The following AHCTF1 variants were observed in gnomAD, a reference collection of about 807,000 sequenced individuals.
The protein encoded by AHCTF1 is AT-hook containing transcription factor 1, also known as protein ELYS.
A neutral mutation model predicts 248.4 loss-of-function variants in AHCTF1; 24 were observed. That is an observed-to-expected ratio of 0.10 (90% CI 0.07 to 0.14). The LOEUF (loss-of-function observed/expected upper bound fraction) is 0.14. Ranked by LOEUF, AHCTF1 falls within the 10% of genes least tolerant of loss-of-function variation. The pLI, the probability that AHCTF1 is intolerant of heterozygous loss-of-function variation, is 1.00. For missense variants in AHCTF1, 2,206 were observed against 2,636.2 expected, an observed-to-expected ratio of 0.84 and a Z score of 3.57; for synonymous variants, 786 against 929.8, an observed-to-expected ratio of 0.85 and a Z score of 2.81.
chr1:246,848,617 A>G (rs1011880356), intron 33 of AHCTF1, among the ~76,000 whole-genome samples: 73 of 151,976 alleles, frequency 4.8e-4, no homozygotes, highest in African/African-American at 1.5e-3. Context: ...TGTAATCCCA[A>G]CACTTTGGGA....
intron 26 of AHCTF1, among the ~76,000 whole-genome samples, chr1:246,865,037 T>C (rs1195009689): frequency 6.6e-6 from 1 of 152,214 alleles, no homozygotes; most frequent in Non-Finnish European, 1.5e-5. Flanking sequence ...TCCCACTGAT[T>C]ACTTGTACTG....
At chr1:246,892,347 C>T (rs1664269366) in intron 14 of AHCTF1, among the ~76,000 whole-genome samples, 1 of 104,708 alleles carries the variant, frequency 9.6e-6, no homozygotes. Flanking sequence ...CAGCATCTTG[C>T]TCTGTCGCCC....
intron 30 of AHCTF1, 34 bp downstream of exon 30, chr1:246,857,657 C>T: frequency 1.3e-5 from 20 of 1,572,276 alleles, no homozygotes; most frequent in Non-Finnish European, 1.7e-5. Flanking sequence ...AAACTTCTTT[C>T]TAAAAGTATT....
At chr1:246,847,964 T>TA (rs918599709) in intron 33 of AHCTF1, among the ~76,000 whole-genome samples, 36 of 152,250 alleles carry the variant, frequency 2.4e-4, no homozygotes, top group South Asian at 8.3e-4. Context: ...AAAATGAACT[T>TA]AAAAAAAGTT....
rs564533724 is a variant in AHCTF1 at position 246,879,853 on chromosome 1, G to T, written c.2661-2551C>A. 4.2e-4 allele frequency among the ~76,000 whole-genome samples: 64 copies of T among 151,960 alleles called. No individual in the cohort carries two copies. In the East Asian group the frequency reaches 8.3e-3, roughly 20 times the overall value. On this transcript the variant is annotated intron_variant, in intron 21 of 35. Coordinates refer to ENST00000648844, the MANE Select transcript of AHCTF1 (RefSeq NM_001323342.2). ...CCCAACCCCGCCAAAAAAAAAGGGA[G>T]AACTAATTTAAAATAAAATGGTACA...
chr1:246,893,775 C>T (rs529781459), intron 14 of AHCTF1, among the ~76,000 whole-genome samples: 3 of 152,192 alleles, frequency 2.0e-5, no homozygotes, highest in Non-Finnish European at 2.9e-5. Flanking sequence ...CTAGCACATT[C>T]CGCTTACTCC....
chr1:246,886,429 T>A (rs1470833451), intron 20 of AHCTF1, among the ~76,000 whole-genome samples: 1 of 152,242 alleles, frequency 6.6e-6, no homozygotes, highest in Non-Finnish European at 1.5e-5. Context: ...ATTTACATTG[T>A]ATTAGATGTT....
chr1:246,925,829 G>A (rs1300749511), intron 1 of AHCTF1, among the ~76,000 whole-genome samples: 2 of 151,948 alleles, frequency 1.3e-5, no homozygotes, highest in Non-Finnish European at 2.9e-5. Context: ...CAGCACTTTG[G>A]GAGGCTGAGG....
chr1:246,930,297 C>A (rs936610632), intron 1 of AHCTF1, among the ~76,000 whole-genome samples: 5 of 151,704 alleles, frequency 3.3e-5, no homozygotes, highest in South Asian at 4.2e-4. Context: ...ACTAGAGGCG[C>A]CACCAATTCC....
chr1:246,920,158 A>G (rs1558280456), intron 1 of AHCTF1, among the ~76,000 whole-genome samples: 3 of 150,212 alleles, frequency 2.0e-5, no homozygotes, highest in Non-Finnish European at 4.4e-5. Context: ...AAAAAAAAAA[A>G]AAAAAAAAAA....
rs534814535 is a variant in AHCTF1 at position 246,918,267 on chromosome 1, C to T, written c.104G>A (p.Arg35His). 17 of 1,607,380 alleles carry T rather than the reference C, an allele frequency of 1.1e-5. No homozygotes were observed. The highest frequency in any genetic ancestry group is 5.3e-5 in the African/African-American group (4 of 74,876). ...EDEITLESVLRGKFAAGKNGL... is the reference protein window; with the variant it reads ...EDEITLESVLHGKFAAGKNGL... ...ATGTTTACCTGCAGCAAACTTTCCA[C>T]GAAGCACAGATTCTAATGTTATTTC... is the stretch of plus-strand genomic sequence containing the variant. Residue 35 changes from arginine to histidine, a missense_variant, in exon 2 of 36, where the codon CGT becomes CAT. Arg to His is a conservative substitution (Grantham distance 29). Transcript: ENST00000648844.
chr1:246,907,798 A>G, intron 4 of AHCTF1, 40 bp from the exon 5 acceptor site: 1 of 1,548,536 alleles, frequency 6.5e-7, no homozygotes, highest in Non-Finnish European at 8.8e-7. Flanking sequence ...AAAAAACTAG[A>G]AACAGCATTA....
intron 15 of AHCTF1, 65 bp downstream of exon 15, chr1:246,891,714 T>C: frequency 3.3e-6 from 5 of 1,533,482 alleles, no homozygotes; most frequent in Non-Finnish European, 4.5e-6. Flanking sequence ...GGAAATGTTA[T>C]TCGTTTCTCT....
chr1:246,853,504 A>G (rs1313371114), intron 31 of AHCTF1, among the ~76,000 whole-genome samples: 1 of 152,260 alleles, frequency 6.6e-6, no homozygotes. Flanking sequence ...ACATTTAAAA[A>G]TGATAACTGA....
At chr1:246,927,034 A>C (rs189375706) in intron 1 of AHCTF1, among the ~76,000 whole-genome samples, 91 of 151,550 alleles carry the variant, frequency 6.0e-4, no homozygotes, top group South Asian at 3.8e-3. Context: ...CAAAATTAGC[A>C]GGGCGTGGTG....
chr1:246,849,547 C>G lies in AHCTF1; in HGVS notation c.6391+68G>C, dbSNP rs977647408. ...ATTCCCTATAAAACCATTTTTAGGACAAATAACCAAATTTTAAGCTGAAGA... is the reference window on the plus strand; with the variant it reads ...ATTCCCTATAAAACCATTTTTAGGAGAAATAACCAAATTTTAAGCTGAAGA... On this transcript the variant is annotated intron_variant, in intron 33 of 35. Transcript: ENST00000648844. 3.3e-6 allele frequency: 5 copies of G among 1,520,372 alleles called. No homozygotes were observed. The African/African-American group carries it at 5.6e-5, about 17-fold the overall frequency. 94.2% of individuals were successfully genotyped at this position (1,520,372 alleles called of 1,614,324 possible).
intron 33 of AHCTF1, among the ~76,000 whole-genome samples, chr1:246,846,806 G>A (rs1660300454): frequency 6.6e-6 from 1 of 152,000 alleles, no homozygotes; most frequent in Non-Finnish European, 1.5e-5. Context: ...CTGGGCTGGA[G>A]CACAGTGGTG....
chr1:246,900,984 CAGG>C (rs1233428822), intron 8 of AHCTF1, among the ~76,000 whole-genome samples: 3 of 152,038 alleles, frequency 2.0e-5, no homozygotes, highest in Non-Finnish European at 4.4e-5. Context: ...GAGACATCAA[CAGG>C]AGAAGAAGAA....
chr1:246,880,856 T>C (rs1663349017), intron 21 of AHCTF1, among the ~76,000 whole-genome samples: 1 of 152,108 alleles, frequency 6.6e-6, no homozygotes, highest in Non-Finnish European at 1.5e-5. Context: ...CAGAAGACAA[T>C]AATGATGCTA....
Sources: gnomAD v4.1 joint callset for allele counts (sites outside exome capture counted in the v4.1 genomes callset) on GRCh38, gnomAD v4.1.1 for gene constraint, MANE v1.5 for transcripts, NCBI Gene and HGNC (gene_info 2026-07-23, HGNC 2026-07-21) for gene names.